The following RNLS variants were observed in gnomAD, a reference collection of about 807,000 sequenced individuals.
RNLS encodes renalase.
In RNLS, 39 loss-of-function variants were observed where a neutral mutation model predicts 39.8. That is an observed-to-expected ratio of 0.98 (90% CI 0.76 to 1.28). The LOEUF (loss-of-function observed/expected upper bound fraction) is 1.28, where lower values mean the gene tolerates loss of function less well. RNLS is among the 50% of genes most tolerant of loss of function. RNLS has a pLI of 0.00. For missense variants in RNLS, 410 were observed against 413.3 expected, an observed-to-expected ratio of 0.99 and a Z score of 0.07; for synonymous variants, 147 against 150.7, an observed-to-expected ratio of 0.98 and a Z score of 0.18.
chr10:88,403,942 G>A (rs1475080122), intron 4 of RNLS, among the ~76,000 whole-genome samples: 1 of 151,944 alleles, frequency 6.6e-6, no homozygotes, highest in Non-Finnish European at 1.5e-5. Context: ...TATTTGGAAG[G>A]CTGAGGCAGT....
chr10:88,532,006 C>T (rs1847455354), intron 4 of RNLS, among the ~76,000 whole-genome samples: 1 of 152,068 alleles, frequency 6.6e-6, no homozygotes, highest in Non-Finnish European at 1.5e-5. Context: ...CCCATCTCTA[C>T]TTAGCAGTAA....
At chr10:88,252,148 A>G in the RNLS span, among the ~76,000 whole-genome samples, 1 of 150,216 alleles carries the variant, frequency 6.7e-6, no homozygotes, top group African/African-American at 2.5e-5. Context: ...TTCCTTCTTT[A>G]CTCCACCCCA....
At chr10:88,463,273 T>C (rs990464160) in intron 4 of RNLS, among the ~76,000 whole-genome samples, 4 of 152,042 alleles carry the variant, frequency 2.6e-5, no homozygotes, top group African/African-American at 9.7e-5. Context: ...GACCCAGATA[T>C]GCACACAAGG....
chr10:88,238,547 G>T, the RNLS span, among the ~76,000 whole-genome samples: 4 of 152,206 alleles, frequency 2.6e-5, no homozygotes, highest in African/African-American at 9.6e-5. Context: ...TCAGACAGTG[G>T]AATTACTTTG....
chr10:88,413,748 G>A (rs780854356), intron 4 of RNLS, among the ~76,000 whole-genome samples: 43 of 152,114 alleles, frequency 2.8e-4, no homozygotes, highest in Non-Finnish European at 2.9e-5. Flanking sequence ...TGTTTTCATT[G>A]TCTCCAATCC....
At chr10:88,468,366 C>T (rs1008053370) in intron 4 of RNLS, among the ~76,000 whole-genome samples, 1 of 152,138 alleles carries the variant, frequency 6.6e-6, no homozygotes, top group Non-Finnish European at 1.5e-5. Context: ...TCTGTATCTC[C>T]CCTGGACCAG....
intron 4 of RNLS, among the ~76,000 whole-genome samples, chr10:88,404,335 T>C (rs74748571): frequency 0.029 from 4,374 of 152,200 alleles, 87 homozygotes; most frequent in Non-Finnish European, 0.046. Flanking sequence ...GGACAAATTG[T>C]TTAATCATTC....
chr10:88,351,763 G>T (rs958782066), intron 5 of RNLS, among the ~76,000 whole-genome samples: 2 of 152,084 alleles, frequency 1.3e-5, no homozygotes, highest in African/African-American at 2.4e-5. Context: ...AGCTTGATGG[G>T]GATGGCATTG....
chr10:88,204,442 T>C, the RNLS span, among the ~76,000 whole-genome samples: 2 of 152,158 alleles, frequency 1.3e-5, no homozygotes, highest in Non-Finnish European at 2.9e-5. Flanking sequence ...CAGAAGGTCA[T>C]CCCTGGATGA....
intron 6 of RNLS, among the ~76,000 whole-genome samples, chr10:88,278,639 G>A (rs1431513417): frequency 6.6e-6 from 1 of 152,138 alleles, no homozygotes; most frequent in Non-Finnish European, 1.5e-5. Context: ...ACTACATAGA[G>A]ATGGCCCATT....
the RNLS span, among the ~76,000 whole-genome samples, chr10:88,238,339 A>G: frequency 6.6e-6 from 1 of 152,206 alleles, no homozygotes; most frequent in African/African-American, 2.4e-5. Flanking sequence ...CTCGGAGGCT[A>G]TGCTTTTGGC....
the RNLS span, among the ~76,000 whole-genome samples, chr10:88,252,676 CATCA>C: frequency 1.7e-5 from 1 of 58,596 alleles, no homozygotes; most frequent in Admixed American, 2.2e-4. Context: ...GTCCTGTGAA[CATCA>C]ATCAGCCAGC....
chr10:88,496,231 C>T (rs1331474755), intron 4 of RNLS, among the ~76,000 whole-genome samples: 1 of 152,038 alleles, frequency 6.6e-6, no homozygotes, highest in African/African-American at 2.4e-5. Context: ...TGAATCCAAG[C>T]CAGTAATTAA....
intron 4 of RNLS, among the ~76,000 whole-genome samples, chr10:88,546,995 A>G (rs1848347985): frequency 6.6e-6 from 1 of 152,148 alleles, no homozygotes; most frequent in South Asian, 2.1e-4. Context: ...TCCAAAGCAG[A>G]TATCTAAAAT....
chr10:88,335,767 C>A (rs969126019), intron 5 of RNLS, among the ~76,000 whole-genome samples: 1 of 152,156 alleles, frequency 6.6e-6, no homozygotes, highest in African/African-American at 2.4e-5. Context: ...TCCTGCCAAA[C>A]AAAGCCTCAC....
intron 5 of RNLS, among the ~76,000 whole-genome samples, chr10:88,348,360 C>T (rs1848452873): frequency 6.6e-6 from 1 of 152,128 alleles, no homozygotes; most frequent in Non-Finnish European, 1.5e-5. Flanking sequence ...CTGGCTGGCT[C>T]TTAGATTCTG....
chr10:88,256,538 C>G, the RNLS span, among the ~76,000 whole-genome samples: 1 of 152,182 alleles, frequency 6.6e-6, no homozygotes, highest in African/African-American at 2.4e-5. Flanking sequence ...AGGATATGGG[C>G]GAAGGAACTT....
At chr10:88,286,064 A>G (rs553668921) in intron 6 of RNLS, among the ~76,000 whole-genome samples, 2 of 152,214 alleles carry the variant, frequency 1.3e-5, no homozygotes, top group African/African-American at 4.8e-5. Context: ...CCCAGACCCC[A>G]GAACTGCCAG....
At chr10:88,243,093 T>C in the RNLS span, among the ~76,000 whole-genome samples, 11 of 152,214 alleles carry the variant, frequency 7.2e-5, no homozygotes, top group Non-Finnish European at 1.2e-4. Flanking sequence ...TATCTGACTC[T>C]CTAGATCCTT....
Sources: gnomAD v4.1 joint callset for allele counts (sites outside exome capture counted in the v4.1 genomes callset) on GRCh38, gnomAD v4.1.1 for gene constraint, MANE v1.5 for transcripts, NCBI Gene and HGNC (gene_info 2026-07-23, HGNC 2026-07-21) for gene names.